Variants in EXTL3 observed in about 807,000 individuals in gnomAD.
EXTL3 encodes exostosin-like 3.
Under a neutral mutation model 69.3 loss-of-function variants are expected in EXTL3, and 27 were observed. The observed-to-expected ratio is 0.39, with a 90% CI of 0.29 to 0.54. EXTL3 has a LOEUF of 0.54. Among genes scored for constraint, EXTL3 ranks in the 20% least tolerant of loss-of-function variants. The pLI is 0.69. For missense variants in EXTL3, 1,003 were observed against 1,231.8 expected, an observed-to-expected ratio of 0.81 and a Z score of 2.78; for synonymous variants, 511 against 499.4, an observed-to-expected ratio of 1.02 and a Z score of -0.31.
chr8:28,615,865 T>C (rs781451763), intron 2 of EXTL3, among the ~76,000 whole-genome samples: 15 of 151,186 alleles, frequency 9.9e-5, no homozygotes, highest in Non-Finnish European at 1.6e-4. Flanking sequence ...TTAGCCACCA[T>C]GTCCGGCCTG....
chr8:28,619,447 A>G (rs1382406501), upstream of EXTL3, among the ~76,000 whole-genome samples: 2 of 151,912 alleles, frequency 1.3e-5, no homozygotes, highest in Non-Finnish European at 2.9e-5. Flanking sequence ...GCTCCGAAAG[A>G]ACACGCTTCC....
In EXTL3 at chr8:28,731,322, CG is replaced by C; in HGVS notation, c.2249del (p.Arg750ProfsTer50). ...GTCCATTGATGACGATGCTCACCTC[CG>C]CCATGACGAAATCATGTTTGGGTTC... ...ILSIDDDAHL[R>X]HDEIMFGFRV... is the part of the protein sequence containing the mutation. On this transcript the variant is annotated frameshift_variant, in exon 4 of 7. Coordinates refer to ENST00000220562, the MANE Select transcript of EXTL3 (RefSeq NM_001440.4). LOFTEE classifies it high-confidence loss of function. 6.2e-7 allele frequency: 1 copy of C among 1,614,216 alleles called. No individual in the cohort carries two copies. The highest frequency in any genetic ancestry group is 8.5e-7 in the Non-Finnish European group (1 of 1,180,034).
intron 3 of EXTL3, among the ~76,000 whole-genome samples, chr8:28,719,505 A>G (rs1801249825): frequency 6.6e-6 from 1 of 152,224 alleles, no homozygotes; most frequent in Admixed American, 6.5e-5. Flanking sequence ...CCTTCTGTGC[A>G]AAGTGCCTCT....
chr8:28,690,465 G>A (rs561532523), intron 1 of EXTL3, among the ~76,000 whole-genome samples: 95 of 152,224 alleles, frequency 6.2e-4, no homozygotes, highest in African/African-American at 2.2e-3. Flanking sequence ...TTTCTGGGTG[G>A]TGGTGGTGGT....
Position 28,716,988 on chromosome 8 carries a change from C to A in EXTL3, c.929C>A (p.Pro310His), listed in dbSNP as rs758298762. 1.2e-6 allele frequency: 2 copies of A among 1,614,108 alleles called. No individual in the cohort carries two copies. The highest frequency in any genetic ancestry group is 1.7e-6 in the Non-Finnish European group (2 of 1,180,042). The change falls in exon 3 of 7, where the codon CCT becomes CAT. Residue 310 changes from proline to histidine, a missense_variant. Transcript: ENST00000220562. This position sits in a 1 kb window ranked among gnomAD's most constrained non-coding sequence, Gnocchi z 7.1. ...ACCTTCTACACTGTCCAGTACAGACCTGGCTTTGACTTGGTCGTATCACCG... is the reference window on the plus strand; with the variant it reads ...ACCTTCTACACTGTCCAGTACAGACATGGCTTTGACTTGGTCGTATCACCG... ...QSTFYTVQYRPGFDLVVSPLV... is the reference protein window; with the variant it reads ...QSTFYTVQYRHGFDLVVSPLV...
chr8:28,620,980 G>T (rs1229281954), upstream of EXTL3, among the ~76,000 whole-genome samples: 1 of 152,190 alleles, frequency 6.6e-6, no homozygotes, highest in Non-Finnish European at 1.5e-5. Flanking sequence ...CTCCCAAAGT[G>T]CTGGGATTTC....
intron 3 of EXTL3, 136 bp downstream of exon 3, chr8:28,718,343 T>C (rs1375256198): frequency 5.6e-6 from 5 of 886,886 alleles, no homozygotes. Context: ...AAAACCTGTA[T>C]AGATTCCTTT....
chr8:28,636,513 C>G (rs1209436110), intron 1 of EXTL3, among the ~76,000 whole-genome samples: 1 of 152,096 alleles, frequency 6.6e-6, no homozygotes, highest in Admixed American at 6.5e-5. Context: ...AATATCTGCC[C>G]TTAAGAGAAT....
chr8:28,726,498 C>T (rs1197775259), intron 3 of EXTL3, among the ~76,000 whole-genome samples: 2 of 152,160 alleles, frequency 1.3e-5, no homozygotes, highest in African/African-American at 4.8e-5. Flanking sequence ...TATAGTTAGT[C>T]TTCCAAGTGC....
At chr8:28,663,336 G>T (rs1320951631) in intron 1 of EXTL3, among the ~76,000 whole-genome samples, 2 of 152,200 alleles carry the variant, frequency 1.3e-5, no homozygotes, top group African/African-American at 4.8e-5. Context: ...TCCCTCGCAG[G>T]CAAGGGCTCA....
chr8:28,728,017 T>C (rs1416977712), intron 3 of EXTL3, among the ~76,000 whole-genome samples: 1 of 152,214 alleles, frequency 6.6e-6, no homozygotes, highest in Non-Finnish European at 1.5e-5. Context: ...TTTTTCTTCA[T>C]TTTAAGCTGT....
In EXTL3 at chr8:28,743,401, C is replaced by G. The variant is rs868606371; in HGVS notation, c.2550+187C>G. 2.6e-5 allele frequency among the ~76,000 whole-genome samples: 4 copies of G among 152,182 alleles called. No individual in the cohort carries two copies. The South Asian group carries it at 8.3e-4, about 32-fold the overall frequency. On this transcript the variant is annotated intron_variant, in intron 6 of 6. Transcript: ENST00000220562. ...TTGTTACTACAGGGGCCCTTCATTC[C>G]TAAGGGCAATGGATAGAAATCAGAA...
intron 3 of EXTL3, among the ~76,000 whole-genome samples, chr8:28,719,014 A>G (rs1043717228): frequency 4.6e-5 from 7 of 152,214 alleles, no homozygotes; most frequent in African/African-American, 1.4e-4. Context: ...TTAAATGTGC[A>G]GCCTTAGAGC....
Position 28,743,232 on chromosome 8 carries a change from GT to G in EXTL3, c.2550+19del. On this transcript the variant is annotated intron_variant, in intron 6 of 6. Coordinates refer to ENST00000220562, the MANE Select transcript of EXTL3 (RefSeq NM_001440.4). ...CCATCAAGGTGAGGTCCCACCACTG[GT>G]GGGGCTGTGGATGCGTGCATGTTTA... is the stretch of plus-strand genomic sequence containing the variant. The G allele has an allele frequency of 6.2e-7, 1 of 1,614,132 alleles. No homozygotes were observed. The highest frequency in any genetic ancestry group is 8.5e-7 in the Non-Finnish European group (1 of 1,179,992).
chr8:28,754,647 C>T lies in EXTL3; in HGVS notation c.*3781C>T, dbSNP rs1316516706. On this transcript the variant is annotated 3_prime_UTR_variant, in exon 7 of 7. Coordinates refer to ENST00000220562, the MANE Select transcript of EXTL3 (RefSeq NM_001440.4). The stretch of plus-strand genomic sequence containing the variant: ...CTTCCTATACACAGAGATATGATGT[C>T]TGCTTTGAGTCTATACCTGTCGAGT... The T allele has an allele frequency of 6.6e-6, 1 of 152,252 alleles. No homozygotes were observed. Among genetic ancestry groups the T allele is most frequent in the Non-Finnish European group, 1.5e-5 (1 of 68,064 alleles). The allele number at this position is 152,252 out of a possible 1,614,324, so 9.4% of individuals were successfully genotyped here. A position where few individuals can be genotyped will look rare whatever the true frequency, so the allele number is the denominator to read the frequency against.
At chr8:28,719,950 G>A (rs990903880) in intron 3 of EXTL3, among the ~76,000 whole-genome samples, 1 of 152,172 alleles carries the variant, frequency 6.6e-6, no homozygotes, top group Non-Finnish European at 1.5e-5. Context: ...GCAGCCCATC[G>A]CAATAATACC....
intron 1 of EXTL3, among the ~76,000 whole-genome samples, chr8:28,654,982 G>A (rs1349083660): frequency 1.3e-5 from 2 of 152,186 alleles, no homozygotes; most frequent in African/African-American, 4.8e-5. Context: ...GGCAAAGCAA[G>A]GTGAGAAGAG....
chr8:28,688,324 T>C (rs1011146416), intron 1 of EXTL3, among the ~76,000 whole-genome samples: 6 of 152,062 alleles, frequency 3.9e-5, no homozygotes, highest in Admixed American at 3.9e-4. Flanking sequence ...CTTGGCCTCC[T>C]AAAGTCCTGG....
intron 1 of EXTL3, among the ~76,000 whole-genome samples, chr8:28,667,110 A>G (rs185663296): frequency 1.3e-4 from 20 of 152,344 alleles, no homozygotes; most frequent in Admixed American, 1.3e-3. Flanking sequence ...GAGCTCCCTC[A>G]TTGTTTACCT....
Sources: gnomAD v4.1 joint callset for allele counts (sites outside exome capture counted in the v4.1 genomes callset) on GRCh38, gnomAD v4.1.1 for gene constraint, Gnocchi (gnomAD v3.1) non-coding constraint, MANE v1.5 for transcripts, NCBI Gene and HGNC (gene_info 2026-07-23, HGNC 2026-07-21) for gene names.